The following BRD2 variants were observed in gnomAD, a reference collection of about 807,000 sequenced individuals.
BRD2 encodes the protein bromodomain-containing protein 2.
In BRD2, 15 loss-of-function variants were observed where a neutral mutation model predicts 79.1. The observed-to-expected ratio is 0.19, with a 90% CI of 0.13 to 0.29. The LOEUF (loss-of-function observed/expected upper bound fraction) is 0.29, where lower values mean the gene tolerates loss of function less well. Ranked by LOEUF, BRD2 falls within the 10% of genes least tolerant of loss-of-function variation. The pLI, the probability that BRD2 is intolerant of heterozygous loss-of-function variation, is 1.00. For synonymous variants in BRD2, 488 were observed against 358.6 expected (o/e 1.36, Z -4.08); for missense variants, 1,053 against 991.3 (o/e 1.06, Z -0.84).
rs1480245092 is a variant in BRD2 at position 32,976,390 on chromosome 6, C to T, written c.751C>T (p.Leu251Phe). 7 of 1,612,892 alleles carry T rather than the reference C, an allele frequency of 4.3e-6. No individual in the cohort carries two copies. The highest frequency in any genetic ancestry group is 5.1e-6 in the Non-Finnish European group (6 of 1,180,040). ...PHPSVISSPL[L>F]KSLHSAGPPL... ...CCCATCAGTCATTTCCTCTCCACTT[C>T]TCAAGTCCTTGCACTCTGCTGGACC... The change falls in exon 6 of 13, where the codon CTC becomes TTC. Residue 251 changes from leucine (L) to phenylalanine (F), a missense_variant. Around this residue, in one of 5 missense-constraint regions of BRD2, gnomAD observed 413 missense variants for 335.1 expected, o/e 1.23. Transcript: ENST00000374825.
Position 32,981,064 on chromosome 6 carries a change from ATTGT to A in BRD2, c.*352_*355del, listed in dbSNP as rs764140608. Reference sequence around the variant, plus strand: ...TCACTTCTAAGGGCCCTGTTTTGAGATTGTTTGTTCTAATTTATTTTAAGCTAGG... The same window carrying A: ...TCACTTCTAAGGGCCCTGTTTTGAGATTGTTCTAATTTATTTTAAGCTAGG... On this transcript the variant is annotated 3_prime_UTR_variant, in exon 13 of 13. Coordinates refer to ENST00000374825, the MANE Select transcript of BRD2 (RefSeq NM_005104.4). 1.8e-4 allele frequency: 41 copies of A among 223,440 alleles called. No homozygotes were observed. The highest frequency in any genetic ancestry group is 5.1e-4 in the Admixed American group (10 of 19,572). The allele number at this position is 223,440 out of a possible 1,614,324, so 13.8% of individuals were successfully genotyped here. A position where few individuals can be genotyped will look rare whatever the true frequency, so the allele number is the denominator to read the frequency against.
At chr6:32,977,602 A>G (rs1417151854) in intron 8 of BRD2, 32 bp downstream of exon 8, 4 of 1,612,200 alleles carry the variant, frequency 2.5e-6, no homozygotes, top group Non-Finnish European at 3.4e-6. Context: ...TGAAAAATAA[A>G]TGGTATGGGG....
chr6:32,978,638 TA>T, intron 10 of BRD2: 1 of 610,256 alleles, frequency 1.6e-6, no homozygotes. Context: ...TGGATTCCCA[TA>T]AGGAGCATGC....
chr6:32,974,792 G>T lies in BRD2; in HGVS notation c.333+27G>T, dbSNP rs200744277. 8.7e-6 allele frequency: 14 copies of T among 1,605,040 alleles called. No homozygotes were observed. In the South Asian group the frequency reaches 1.2e-4, roughly 14 times the overall value. On this transcript the variant is annotated intron_variant, in intron 3 of 12. Coordinates refer to ENST00000374825, the MANE Select transcript of BRD2 (RefSeq NM_005104.4). Reference sequence around the variant, plus strand: ...TGAGTAGAGACATTGGAGCCGGGGAGGTGTGGGATGAGCAAGAATGCGTGT... The same window carrying T: ...TGAGTAGAGACATTGGAGCCGGGGATGTGTGGGATGAGCAAGAATGCGTGT...
At position 32,980,439 on chromosome 6, in the gene BRD2, T is replaced by C. The variant is rs769213194; in HGVS notation, c.2244T>C (p.Asn748=). Residue 748 remains asparagine (N), a synonymous_variant, in exon 12 of 13, where the codon AAT becomes AAC. Transcript: ENST00000374825. ...KRLQDVSGQL[N]STKKPPKKAN... ...TACAAGATGTCAGCGGACAGCTCAA[T>C]TCTACTAAAAAGCCCCCCAAGAAAG... 1.1e-5 allele frequency: 18 copies of C among 1,613,092 alleles called. No individual in the cohort carries two copies. The highest frequency in any genetic ancestry group is 1.4e-5 in the Non-Finnish European group (16 of 1,180,034).
Position 32,976,231 on chromosome 6 carries a change from C to G in BRD2, c.611-19C>G. 2 of 1,611,076 alleles carry G rather than the reference C, an allele frequency of 1.2e-6. No homozygotes were observed. The highest frequency in any genetic ancestry group is 1.7e-6 in the Non-Finnish European group (2 of 1,178,734). ...AGATGGGGAAGAGAATCAAACTACA[C>G]TTTTTTCCTTTTTTCTAGCGCTCCA... On this transcript the variant is annotated intron_variant, in intron 5 of 12. Coordinates refer to ENST00000374825, the MANE Select transcript of BRD2 (RefSeq NM_005104.4).
rs1779378329 is a variant in BRD2, at chr6:32,980,489, A to G, written c.2269+25A>G. The G allele has an allele frequency of 3.1e-6, 5 of 1,612,738 alleles. No homozygotes were observed. In the African/African-American group the frequency reaches 4.0e-5, roughly 13 times the overall value. On this transcript the variant is annotated intron_variant, in intron 12 of 12. Coordinates refer to ENST00000374825, the MANE Select transcript of BRD2 (RefSeq NM_005104.4). ...GGTGAGTATATACTTTCATGCCACT[A>G]CAGATTGACTCCATCCTGCCTTCTT...
In BRD2 at chr6:32,981,174, A is replaced by ATT. The variant is rs3841159; in HGVS notation, c.*466_*467dup. On this transcript the variant is annotated 3_prime_UTR_variant, in exon 13 of 13. Coordinates refer to ENST00000374825, the MANE Select transcript of BRD2 (RefSeq NM_005104.4). ...AAGGGGGAGCTCTTTTTTTACGTTG[A>ATT]TTTTTTTTTTTCTACTCTGTTTTCC... 16 of 149,528 alleles carry ATT rather than the reference A, an allele frequency of 1.1e-4. No individual in the cohort carries two copies. The highest frequency in any genetic ancestry group is 2.5e-4 in the African/African-American group (10 of 39,814). 9.3% of individuals were successfully genotyped at this position (149,528 alleles called of 1,614,324 possible). A position where few individuals can be genotyped will look rare whatever the true frequency, so the allele number is the denominator to read the frequency against.
At chr6:32,977,616 T>C (rs1192569493) in intron 8 of BRD2, 46 bp downstream of exon 8, 3 of 1,609,778 alleles carry the variant, frequency 1.9e-6, no homozygotes, top group Non-Finnish European at 1.7e-6. Context: ...TATGGGGAGT[T>C]ATTTTGTCAT....
At chr6:32,972,986 G>C (rs866974820) in intron 2 of BRD2, 59 bp downstream of exon 2, 1 of 1,613,922 alleles carries the variant, frequency 6.2e-7, no homozygotes, top group South Asian at 1.1e-5. Context: ...GCACAGGGGT[G>C]TGGGGCGCCG....
intron 3 of BRD2, 128 bp downstream of exon 3, chr6:32,974,893 C>T (rs897672871): frequency 7.2e-7 from 1 of 1,391,630 alleles, no homozygotes; most frequent in Non-Finnish European, 9.7e-7. Flanking sequence ...GGGCAGTTAG[C>T]TACCAGATTT....
chr6:32,972,568 A>T lies in BRD2; in HGVS notation c.-331A>T. 2.1e-6 allele frequency: 1 copy of T among 476,186 alleles called. No homozygotes were observed. Among genetic ancestry groups the T allele is most frequent in the Non-Finnish European group, 3.8e-6 (1 of 265,856 alleles). The allele number at this position is 476,186 out of a possible 1,614,324, so 29.5% of individuals were successfully genotyped here. ...CCCGACAAGAAGAGGGAATCCCTGC[A>T]GACCAACAGCGGGCTATATTGACGA... is the stretch of plus-strand genomic sequence containing the variant. On this transcript the variant is annotated 5_prime_UTR_variant, in exon 2 of 13. Coordinates refer to ENST00000374825, the MANE Select transcript of BRD2 (RefSeq NM_005104.4).
intron 4 of BRD2, 131 bp downstream of exon 4, chr6:32,975,652 C>CTT (rs1343307538): frequency 8.8e-7 from 1 of 1,130,194 alleles, no homozygotes; most frequent in African/African-American, 1.6e-5. Context: ...TAGTCGGAGT[C>CTT]TTAAAAACCT....
chr6:32,977,226 C>T (rs773809201), intron 7 of BRD2: 7 of 1,527,230 alleles, frequency 4.6e-6, no homozygotes, highest in African/African-American at 1.4e-5. Flanking sequence ...CATAGGCCAC[C>T]TCTCTGTCAC....
Position 32,978,323 on chromosome 6 carries a change from C to T in BRD2, c.1776C>T (p.Gly592=), listed in dbSNP as rs768398747. 1.2e-6 allele frequency: 2 copies of T among 1,612,976 alleles called. No homozygotes were observed. The highest frequency in any genetic ancestry group is 1.7e-6 in the Non-Finnish European group (2 of 1,179,954). The part of the protein sequence containing the change: ...PQPKKSKKAS[G]SGGGSAALGP... The stretch of plus-strand genomic sequence containing the variant: ...CTAAGAAGTCCAAGAAAGCAAGTGG[C>T]AGTGGGGGTGGCAGTGCTGCTTTAG... Residue 592 remains glycine, a synonymous_variant, in exon 10 of 13, where the codon GGC becomes GGT. Transcript: ENST00000374825.
In BRD2 at chr6:32,972,127, G is replaced by C; in HGVS notation, c.-772G>C. 1 of 674,716 alleles carries C rather than the reference G, an allele frequency of 1.5e-6. No individual in the cohort carries two copies. Among genetic ancestry groups the C allele is most frequent in the Non-Finnish European group, 2.7e-6 (1 of 369,696 alleles). The allele number at this position is 674,716 out of a possible 1,614,324, so 41.8% of individuals were successfully genotyped here. A position where few individuals can be genotyped will look rare whatever the true frequency, so the allele number is the denominator to read the frequency against. ...AGGGGGTGGGGAAAAGCTCAAGCAGGGTGGCGCGCATGAGCGGCGAAGCTC... is the reference window on the plus strand; with the variant it reads ...AGGGGGTGGGGAAAAGCTCAAGCAGCGTGGCGCGCATGAGCGGCGAAGCTC... On this transcript the variant is annotated 5_prime_UTR_variant, in exon 2 of 13. Coordinates refer to ENST00000374825, the MANE Select transcript of BRD2 (RefSeq NM_005104.4).
chr6:32,978,713 TCTG>T, intron 10 of BRD2: 1 of 386,046 alleles, frequency 2.6e-6, no homozygotes. Context: ...ATCTAATGCT[TCTG>T]CTGATGTGAC....
intron 3 of BRD2, chr6:32,975,130 G>A (rs1778552897): frequency 6.6e-7 from 1 of 1,504,962 alleles, no homozygotes; most frequent in Non-Finnish European, 8.9e-7. Flanking sequence ...CACAGGATGG[G>A]AAGTTTCCAG....
intron 10 of BRD2, chr6:32,979,135 TCCA>T (rs1779193188): frequency 6.6e-6 from 1 of 151,034 alleles, no homozygotes; most frequent in Non-Finnish European, 1.5e-5. Context: ...TACTGCAACC[TCCA>T]CTTCTCGGGT....
Sources: gnomAD v4.1 joint callset for allele counts on GRCh38, gnomAD v4.1.1 for gene constraint, gnomAD v4.1.1 regional missense constraint, MANE v1.5 for transcripts, NCBI Gene and HGNC (gene_info 2026-07-23, HGNC 2026-07-21) for gene names.